MIA2: variants seen among roughly 807,000 people sequenced by gnomAD.
MIA2 encodes MIA SH3 domain ER export factor 2.
A neutral mutation model predicts 167.8 loss-of-function variants in MIA2; 127 were observed. That is an observed-to-expected ratio of 0.76 (90% CI 0.66 to 0.88). The LOEUF (loss-of-function observed/expected upper bound fraction) is 0.88, where lower values mean the gene tolerates loss of function less well. MIA2 is among the 40% of genes least tolerant of loss of function. The pLI is 0.00. For missense variants in MIA2, 1,690 were observed against 1,624.7 expected, an observed-to-expected ratio of 1.04 and a Z score of -0.69; for synonymous variants, 552 against 541.9, an observed-to-expected ratio of 1.02 and a Z score of -0.26.
At chr14:39,354,392 A>G (rs888738106), downstream of MIA2, among the ~76,000 whole-genome samples, 5 of 151,936 alleles carry the variant, frequency 3.3e-5, no homozygotes, top group African/African-American at 1.2e-4. Flanking sequence ...CATATCCTTC[A>G]CCCACTTGTT....
At chr14:39,306,585 C>G (rs1054208956) in intron 17 of MIA2, among the ~76,000 whole-genome samples, 10 of 152,134 alleles carry the variant, frequency 6.6e-5, no homozygotes, top group African/African-American at 2.4e-4. Flanking sequence ...TTGGGAATTA[C>G]AATTCAACAT....
In MIA2 at chr14:39,385,371, A is replaced by G. The variant is rs2075255317; in HGVS notation, c.2249-1514A>G. ...ACTCACTTGCACAAACAAGACATTCATAAACTATAAGGTGGAGAGGTCATA... is the reference window on the plus strand; with the variant it reads ...ACTCACTTGCACAAACAAGACATTCGTAAACTATAAGGTGGAGAGGTCATA... On this transcript the variant is annotated intron_variant, in intron 23 of 23. Coordinates refer to the MIA2 transcript ENST00000341502. 6.7e-6 allele frequency: 7 copies of G among 1,042,736 alleles called. No individual in the cohort carries two copies. In the South Asian group the frequency reaches 9.0e-5, roughly 13 times the overall value. 64.6% of individuals were successfully genotyped at this position (1,042,736 alleles called of 1,614,324 possible).
intron 23 of MIA2, among the ~76,000 whole-genome samples, chr14:39,356,992 T>G (rs569990911): frequency 4.2e-4 from 64 of 152,316 alleles, no homozygotes; most frequent in Non-Finnish European, 6.5e-4. Context: ...GGTTTTGGAA[T>G]AAGTGTGGTG....
At chr14:39,306,919 A>G (rs1221288508) in intron 17 of MIA2, among the ~76,000 whole-genome samples, 6 of 152,204 alleles carry the variant, frequency 3.9e-5, no homozygotes, top group Admixed American at 3.3e-4. Context: ...AGGTTTTTAA[A>G]AAAATTGATG....
At chr14:39,249,618 T>C (rs1025458426) in intron 4 of MIA2, among the ~76,000 whole-genome samples, 1 of 152,098 alleles carries the variant, frequency 6.6e-6, no homozygotes, top group African/African-American at 2.4e-5. Flanking sequence ...CAACAGAATA[T>C]AAGATAATAC....
chr14:39,264,739 T>A (rs1377476717), intron 6 of MIA2, among the ~76,000 whole-genome samples: 2 of 152,250 alleles, frequency 1.3e-5, no homozygotes, highest in Non-Finnish European at 2.9e-5. Flanking sequence ...TCTTAAAGTC[T>A]GTGACACTGC....
At chr14:39,303,380 A>C in intron 15 of MIA2, 98 bp from the exon 16 acceptor site, 1 of 899,724 alleles carries the variant, frequency 1.1e-6, no homozygotes, top group South Asian at 1.6e-5. Flanking sequence ...AGGGATTATA[A>C]GTTTCTGGTT....
intron 23 of MIA2, among the ~76,000 whole-genome samples, chr14:39,381,311 T>C (rs2075156803): frequency 6.6e-6 from 1 of 152,212 alleles, no homozygotes; most frequent in Non-Finnish European, 1.5e-5. Flanking sequence ...AAAAAGATTC[T>C]AGGAGAGAAA....
rs867155339 is a variant in MIA2 at position 39,380,521 on chromosome 14, T to C, written c.2249-6364T>C. ...CATCCTGGCCAACATGGTGAAACCC[T>C]ATCTCTACTAAAAAGACAAAAATTA... is the stretch of plus-strand genomic sequence containing the variant. On this transcript the variant is annotated intron_variant, in intron 23 of 23. Coordinates refer to the MIA2 transcript ENST00000341502. Among the ~76,000 whole-genome samples, 12 of 151,962 alleles carry C rather than the reference T, an allele frequency of 7.9e-5. No individual in the cohort carries two copies. The East Asian group carries it at 1.5e-3, about 20-fold the overall frequency.
chr14:39,358,373 G>A (rs530143427), intron 23 of MIA2, among the ~76,000 whole-genome samples: 4 of 152,128 alleles, frequency 2.6e-5, no homozygotes, highest in Admixed American at 6.5e-5. Flanking sequence ...CATTCGTCAC[G>A]TAGTTCTTGT....
intron 17 of MIA2, among the ~76,000 whole-genome samples, chr14:39,307,398 T>G (rs1471470790): frequency 8.1e-6 from 1 of 123,154 alleles, no homozygotes; most frequent in East Asian, 2.2e-4. Flanking sequence ...GAATTTTTTT[T>G]TTTTTTTTTT....
chr14:39,235,525 C>A (rs1351525695), intron 1 of MIA2, among the ~76,000 whole-genome samples: 1 of 152,016 alleles, frequency 6.6e-6, no homozygotes, highest in Admixed American at 6.6e-5. Context: ...CACCTGTAAT[C>A]CCAGCACTTT....
chr14:39,267,470 C>T (rs762372630), intron 6 of MIA2: 3 of 1,613,076 alleles, frequency 1.9e-6, no homozygotes, highest in East Asian at 4.5e-5. Flanking sequence ...ATGGAGGAGC[C>T]CGGGGTTACC....
chr14:39,302,006 A>C, intron 14 of MIA2, 123 bp from the exon 15 acceptor site: 1 of 1,055,686 alleles, frequency 9.5e-7, no homozygotes, highest in Non-Finnish European at 1.3e-6. Context: ...GGTGGAAAAT[A>C]AGAGCTCTTG....
rs184445503 is a variant in MIA2, at chr14:39,339,712, A to G, written c.3656-6192A>G. 1.0e-3 allele frequency among the ~76,000 whole-genome samples: 159 copies of G among 152,344 alleles called. 1 individual carries two copies. The highest frequency in any genetic ancestry group is 3.3e-3 in the African/African-American group (137 of 41,584). Reference sequence around the variant, plus strand: ...CTTTCTGTAATAATAGAAATGTTTTATATCTATACTGTCCAGTACAGTAGC... The same window carrying G: ...CTTTCTGTAATAATAGAAATGTTTTGTATCTATACTGTCCAGTACAGTAGC... On this transcript the variant is annotated intron_variant, in intron 25 of 28. Transcript: ENST00000640607.
chr14:39,361,280 G>T (rs1268295829), intron 23 of MIA2, among the ~76,000 whole-genome samples: 1 of 152,114 alleles, frequency 6.6e-6, no homozygotes, highest in African/African-American at 2.4e-5. Flanking sequence ...TGTGATGATG[G>T]GATGGGATCT....
chr14:39,381,707 A>T (rs1395195001), intron 23 of MIA2, among the ~76,000 whole-genome samples: 1 of 146,394 alleles, frequency 6.8e-6, no homozygotes, highest in African/African-American at 2.6e-5. Context: ...CAGCTGTGGG[A>T]ATCTAACCAA....
intron 6 of MIA2, among the ~76,000 whole-genome samples, chr14:39,273,528 G>A (rs190640241): frequency 2.0e-5 from 3 of 151,778 alleles, no homozygotes; most frequent in South Asian, 4.1e-4. Flanking sequence ...AATTTTTGTT[G>A]AATGTTTTGA....
chr14:39,300,067 A>C lies in MIA2; in HGVS notation c.2619+81A>C, dbSNP rs148901160. On this transcript the variant is annotated intron_variant, in intron 14 of 28. Coordinates refer to ENST00000640607, the MANE Select transcript of MIA2 (RefSeq NM_001329214.4). ...TGAAATTTGAAAGCTAGTTTTTAGC[A>C]ACTTTTATTTTCACAACATATTTTC... 2.7e-4 allele frequency: 407 copies of C among 1,511,546 alleles called. No homozygotes were observed. The African/African-American group carries it at 5.1e-3, about 19-fold the overall frequency. 93.6% of individuals were successfully genotyped at this position (1,511,546 alleles called of 1,614,324 possible).
Sources: gnomAD v4.1 joint callset for allele counts (sites outside exome capture counted in the v4.1 genomes callset) on GRCh38, gnomAD v4.1.1 for gene constraint, MANE v1.5 for transcripts, NCBI Gene and HGNC (gene_info 2026-07-23, HGNC 2026-07-21) for gene names.